SYT9: variants seen among roughly 807,000 people sequenced by gnomAD.
The protein encoded by SYT9 is synaptotagmin-9.
A neutral mutation model predicts 48.4 loss-of-function variants in SYT9; 22 were observed. The ratio of observed to expected loss-of-function variants is 0.45; its 90% confidence interval spans 0.32 to 0.65. The LOEUF (loss-of-function observed/expected upper bound fraction) is 0.65. Ranked by LOEUF, SYT9 falls within the 30% of genes least tolerant of loss-of-function variation. The pLI is 0.03. For missense variants in SYT9, 577 were observed against 622.0 expected, an observed-to-expected ratio of 0.93 and a Z score of 0.77; for synonymous variants, 265 against 245.0, an observed-to-expected ratio of 1.08 and a Z score of -0.76.
chr11:7,276,569 G>T (rs150358866), intron 1 of SYT9, among the ~76,000 whole-genome samples: 98 of 152,282 alleles, frequency 6.4e-4, no homozygotes, highest in African/African-American at 2.3e-3. Flanking sequence ...TAACTGCAGG[G>T]TGTGCCCCAC....
At chr11:7,336,406 A>G (rs1849631634) in intron 3 of SYT9, among the ~76,000 whole-genome samples, 1 of 151,890 alleles carries the variant, frequency 6.6e-6, no homozygotes, top group Non-Finnish European at 1.5e-5. Context: ...TCATCATTAA[A>G]TATTTGCCAT....
intron 3 of SYT9, among the ~76,000 whole-genome samples, chr11:7,334,471 A>G (rs1849599110): frequency 6.6e-6 from 1 of 152,248 alleles, no homozygotes; most frequent in South Asian, 2.1e-4. Context: ...TCACTGAGGA[A>G]TAATTGTATG....
At chr11:7,265,301 A>G (rs1848157535) in intron 1 of SYT9, among the ~76,000 whole-genome samples, 1 of 152,142 alleles carries the variant, frequency 6.6e-6, no homozygotes, top group Non-Finnish European at 1.5e-5. Flanking sequence ...GACTGGTGGA[A>G]AACTGGGAAG....
chr11:7,268,619 T>TTGTTGTTTTA (rs1848236607), intron 1 of SYT9, among the ~76,000 whole-genome samples: 1 of 151,920 alleles, frequency 6.6e-6, no homozygotes, highest in South Asian at 2.1e-4. Flanking sequence ...GGTTTTTTGG[T>TTGTTGTTTTA]TGTTGTTTTA....
chr11:7,378,174 A>G (rs1850491719), intron 3 of SYT9, among the ~76,000 whole-genome samples: 1 of 152,060 alleles, frequency 6.6e-6, no homozygotes, highest in East Asian at 1.9e-4. Flanking sequence ...AGGAAGAAAC[A>G]GCACACAAAG....
chr11:7,275,484 T>C (rs1848370734), intron 1 of SYT9, among the ~76,000 whole-genome samples: 1 of 152,150 alleles, frequency 6.6e-6, no homozygotes, highest in Non-Finnish European at 1.5e-5. Flanking sequence ...TCCCATTCTA[T>C]TTTCTTTCAT....
Position 7,271,769 on chromosome 11 carries a change from G to A in SYT9, c.145+19438G>A, listed in dbSNP as rs536637619. Among the ~76,000 whole-genome samples the A allele has an allele frequency of 5.3e-5, 8 of 152,148 alleles. No individual in the cohort carries two copies. In the South Asian group the frequency reaches 1.7e-3, roughly 32 times the overall value. ...TTTTTTGTATTTTTAGTAGAGGTGG[G>A]GTTTCGCCGTGTTAGCCAGGAGGGT... On this transcript the variant is annotated intron_variant, in intron 1 of 6. Transcript: ENST00000318881.
At chr11:7,277,255 G>A (rs1848414326) in intron 1 of SYT9, among the ~76,000 whole-genome samples, 1 of 152,116 alleles carries the variant, frequency 6.6e-6, no homozygotes, top group African/African-American at 2.4e-5. Flanking sequence ...ATGACCCATC[G>A]AGATAGATTT....
chr11:7,436,826 G>T (rs1847720306), intron 6 of SYT9, among the ~76,000 whole-genome samples: 2 of 152,228 alleles, frequency 1.3e-5, no homozygotes, highest in South Asian at 4.1e-4. Flanking sequence ...GTTGTTACTA[G>T]TGTCTAACAG....
chr11:7,304,214 G>A (rs7948390), intron 2 of SYT9, among the ~76,000 whole-genome samples: 13,392 of 152,248 alleles, frequency 0.088, 1,161 homozygotes, highest in African/African-American at 0.22. Flanking sequence ...TCTGGCACCT[G>A]GTAAATGTTC....
intron 4 of SYT9, among the ~76,000 whole-genome samples, chr11:7,417,004 A>G (rs535288091): frequency 6.6e-6 from 1 of 152,316 alleles, no homozygotes; most frequent in Admixed American, 6.5e-5. Context: ...ACAAGAAAAA[A>G]AAAATGCCTC....
intron 3 of SYT9, among the ~76,000 whole-genome samples, chr11:7,396,300 A>G (rs1434297747): frequency 1.3e-5 from 2 of 152,064 alleles, no homozygotes; most frequent in Non-Finnish European, 2.9e-5. Context: ...CTAGAATTTG[A>G]TGTAAGTATC....
intron 3 of SYT9, among the ~76,000 whole-genome samples, chr11:7,380,456 AAGGGGATGGATACCTTATTTG>A (rs1296093266): frequency 1.3e-4 from 20 of 152,156 alleles, no homozygotes; most frequent in African/African-American, 1.7e-4. Flanking sequence ...CTCAAAGGAT[AAGGGGATGGATACCTTATTTG>A]AGGGGATGGA....
chr11:7,409,111 G>C (rs1400332979), intron 3 of SYT9, among the ~76,000 whole-genome samples: 1 of 152,156 alleles, frequency 6.6e-6, no homozygotes, highest in African/African-American at 2.4e-5. Context: ...TTATCATGAA[G>C]GGATGGTGTA....
At chr11:7,329,926 T>G (rs1187292942) in intron 3 of SYT9, among the ~76,000 whole-genome samples, 1 of 152,110 alleles carries the variant, frequency 6.6e-6, no homozygotes, top group Non-Finnish European at 1.5e-5. Flanking sequence ...TGTGAACATG[T>G]GTGGAGGTGA....
intron 3 of SYT9, among the ~76,000 whole-genome samples, chr11:7,404,441 CT>C (rs1846962391): frequency 6.6e-6 from 1 of 151,904 alleles, no homozygotes; most frequent in Non-Finnish European, 1.5e-5. Flanking sequence ...ATTTCGTCTC[CT>C]TTTTTGGTTT....
chr11:7,288,691 T>C (rs1848644026), intron 1 of SYT9, among the ~76,000 whole-genome samples: 1 of 152,240 alleles, frequency 6.6e-6, no homozygotes. Context: ...CATTTATACT[T>C]GTTCTTACTA....
Position 7,313,699 on chromosome 11 carries a change from C to G in SYT9, c.802C>G (p.Arg268Gly). ...TGTCAAGATCTATTTGCTTCCTGAT[C>G]GGAAAACAAAACACCAGACTAAAGT... ...PYVKIYLLPD[R>G]KTKHQTKVHR... Residue 268 changes from arginine to glycine, a missense_variant, in exon 3 of 7, where the codon CGG (arginine) becomes GGG (glycine). Arg to Gly is a moderately radical substitution (Grantham distance 125, BLOSUM62 -2). Coordinates refer to ENST00000318881, the MANE Select transcript of SYT9 (RefSeq NM_175733.4). 1 of 1,614,162 alleles carries G rather than the reference C, an allele frequency of 6.2e-7. No homozygotes were observed. The highest frequency in any genetic ancestry group is 8.5e-7 in the Non-Finnish European group (1 of 1,180,010).
At chr11:7,402,878 T>C (rs992766647) in intron 3 of SYT9, among the ~76,000 whole-genome samples, 47 of 152,178 alleles carry the variant, frequency 3.1e-4, no homozygotes, top group African/African-American at 1.1e-3. Context: ...GTTTCATCCA[T>C]ACTTTTGTTC....
Sources: gnomAD v4.1 joint callset for allele counts (sites outside exome capture counted in the v4.1 genomes callset) on GRCh38, gnomAD v4.1.1 for gene constraint, MANE v1.5 for transcripts, NCBI Gene and HGNC (gene_info 2026-07-23, HGNC 2026-07-21) for gene names.